Variants in FUT8 observed in about 807,000 individuals in gnomAD.
FUT8 encodes the protein fucosyltransferase 8.
A neutral mutation model predicts 71.3 loss-of-function variants in FUT8; 29 were observed. The ratio of observed to expected loss-of-function variants is 0.41; its 90% CI spans 0.30 to 0.55. The LOEUF (loss-of-function observed/expected upper bound fraction) is 0.55. Among genes scored for constraint, FUT8 ranks in the 20% least tolerant of loss-of-function variants. The probability of loss-of-function intolerance (pLI) is 0.34; values close to 1 mark genes in which losing one functional copy is unlikely to be tolerated. For synonymous variants in FUT8, 254 were observed against 239.3 expected, an observed-to-expected ratio of 1.06 and a Z score of -0.57; for missense variants, 544 against 702.1, an observed-to-expected ratio of 0.77 and a Z score of 2.55.
chr14:65,651,120 C>T (rs564116230), intron 6 of FUT8, among the ~76,000 whole-genome samples: 3 of 152,280 alleles, frequency 2.0e-5, no homozygotes, highest in Admixed American at 6.5e-5. Flanking sequence ...AAGCCCTGAC[C>T]GCCGTTTCCA....
chr14:65,505,613 A>G (rs906142045), intron 2 of FUT8, among the ~76,000 whole-genome samples: 2 of 152,058 alleles, frequency 1.3e-5, no homozygotes, highest in African/African-American at 2.4e-5. Flanking sequence ...TGCCCGGCCT[A>G]CATCTCAGTT....
chr14:65,535,399 CTCTT>C (rs773483890), intron 2 of FUT8, among the ~76,000 whole-genome samples: 1 of 152,176 alleles, frequency 6.6e-6, no homozygotes, highest in Admixed American at 6.5e-5. Flanking sequence ...CTGTGCCCAG[CTCTT>C]TCTAACTTTT....
chr14:65,536,879 G>A (rs922034767), intron 2 of FUT8, among the ~76,000 whole-genome samples: 1 of 151,976 alleles, frequency 6.6e-6, no homozygotes, highest in African/African-American at 2.4e-5. Context: ...TTCTTTCAAG[G>A]ATGCCGATGA....
chr14:65,383,279 T>C, the FUT8 span, among the ~76,000 whole-genome samples: 2 of 137,410 alleles, frequency 1.5e-5, no homozygotes, highest in Admixed American at 7.1e-5. Flanking sequence ...TTTTTTTTTT[T>C]TTTTTTTTTT....
chr14:65,433,906 C>T (rs1691730574), intron 1 of FUT8, among the ~76,000 whole-genome samples: 1 of 152,090 alleles, frequency 6.6e-6, no homozygotes, highest in Non-Finnish European at 1.5e-5. Flanking sequence ...TCAAGCCGTC[C>T]TCCTGCTTCA....
intron 2 of FUT8, among the ~76,000 whole-genome samples, chr14:65,474,415 C>A (rs1303073222): frequency 8.7e-6 from 1 of 115,044 alleles, no homozygotes; most frequent in Non-Finnish European, 1.7e-5. Flanking sequence ...CCAGCCTGAC[C>A]AACATGGTGA....
chr14:65,629,162 T>A (rs1011558793), intron 5 of FUT8, among the ~76,000 whole-genome samples: 2 of 152,244 alleles, frequency 1.3e-5, no homozygotes, highest in African/African-American at 2.4e-5. Flanking sequence ...CTTCTTTCTC[T>A]ATGTTAATTT....
chr14:65,443,383 C>G (rs1158531663), intron 1 of FUT8, among the ~76,000 whole-genome samples: 2 of 145,862 alleles, frequency 1.4e-5, no homozygotes, highest in African/African-American at 5.1e-5. Context: ...GCACTCCAGC[C>G]TGGGCAACAG....
At chr14:65,539,075 T>C (rs997182445) in intron 2 of FUT8, among the ~76,000 whole-genome samples, 5 of 152,224 alleles carry the variant, frequency 3.3e-5, no homozygotes, top group African/African-American at 1.2e-4. Flanking sequence ...AGATATTAGT[T>C]GTTACTCATT....
intron 6 of FUT8, among the ~76,000 whole-genome samples, chr14:65,650,542 C>A (rs140857748): frequency 6.6e-6 from 1 of 151,530 alleles, no homozygotes; most frequent in Non-Finnish European, 1.5e-5. Flanking sequence ...AGGACTCTAT[C>A]GTGAGAAAAA....
the FUT8 span, among the ~76,000 whole-genome samples, chr14:65,362,132 G>T: frequency 7.9e-5 from 12 of 152,164 alleles, no homozygotes; most frequent in Non-Finnish European, 1.2e-4. Context: ...GTTGCATGTT[G>T]TTTTAACCCC....
At chr14:65,588,572 T>G (rs1312781754) in intron 3 of FUT8, among the ~76,000 whole-genome samples, 13 of 152,210 alleles carry the variant, frequency 8.5e-5, no homozygotes, top group Admixed American at 8.5e-4. Context: ...ACTTGGCATG[T>G]AACAAGTACT....
chr14:65,377,575 AT>A, the FUT8 span, among the ~76,000 whole-genome samples: 1 of 152,226 alleles, frequency 6.6e-6, no homozygotes, highest in Non-Finnish European at 1.5e-5. Flanking sequence ...AAAAATAGTC[AT>A]TCCCAATTTC....
intron 2 of FUT8, chr14:65,468,260 T>C (rs2066077720): frequency 1.6e-6 from 1 of 623,676 alleles, no homozygotes; most frequent in Non-Finnish European, 3.0e-6. Flanking sequence ...CGCATACATG[T>C]GGCCAAAGGA....
intron 3 of FUT8, among the ~76,000 whole-genome samples, chr14:65,615,356 C>A (rs145323354): frequency 8.5e-4 from 129 of 152,258 alleles, no homozygotes; most frequent in African/African-American, 3.0e-3. Flanking sequence ...ATCCTCCTAC[C>A]TGGGCCTCCC....
chr14:65,473,797 T>C (rs2066186758), intron 2 of FUT8, among the ~76,000 whole-genome samples: 2 of 152,196 alleles, frequency 1.3e-5, no homozygotes, highest in Admixed American at 1.3e-4. Flanking sequence ...TCCAGCAATT[T>C]AAGTGGAAAA....
At chr14:65,403,957 G>A in the FUT8 span, among the ~76,000 whole-genome samples, 1 of 151,868 alleles carries the variant, frequency 6.6e-6, no homozygotes, top group Non-Finnish European at 1.5e-5. Flanking sequence ...GAGTGCAATG[G>A]CATGATCTCG....
intron 3 of FUT8, among the ~76,000 whole-genome samples, chr14:65,609,516 A>G (rs931491139): frequency 2.0e-5 from 3 of 151,726 alleles, no homozygotes; most frequent in Non-Finnish European, 2.9e-5. Flanking sequence ...TGTCTGCTAA[A>G]TTATCTTTGT....
chr14:65,394,293 G>A, the FUT8 span, among the ~76,000 whole-genome samples: 15 of 152,090 alleles, frequency 9.9e-5, no homozygotes, highest in African/African-American at 3.6e-4. Flanking sequence ...CAGATCTCAT[G>A]AGACTTATTC....
Sources: allele counts gnomAD v4.1 joint callset (sites outside exome capture counted in the v4.1 genomes callset), GRCh38; gene constraint gnomAD v4.1.1; transcripts MANE v1.5; gene names NCBI Gene and HGNC (gene_info 2026-07-23, HGNC 2026-07-21).